ZNF503: variants seen among roughly 807,000 people sequenced by gnomAD.
The protein encoded by ZNF503 is NocA-like zinc finger 2.
Under a neutral mutation model 34.4 loss-of-function variants are expected in ZNF503, and 15 were observed. That is an observed-to-expected ratio of 0.44 (90% CI 0.29 to 0.67). ZNF503 has a LOEUF of 0.67. ZNF503 is among the 30% of genes least tolerant of loss of function. The pLI is 0.13. For synonymous variants in ZNF503, 580 were observed against 456.8 expected, an observed-to-expected ratio of 1.27 and a Z score of -3.44; for missense variants, 1,007 against 926.8, an observed-to-expected ratio of 1.09 and a Z score of -1.12.
chr10:75,312,254 C>T, the ZNF503 span, among the ~76,000 whole-genome samples: 1 of 151,768 alleles, frequency 6.6e-6, no homozygotes, highest in Non-Finnish European at 1.5e-5. Flanking sequence ...AACTAGAAAG[C>T]CTCAGTCAAG....
chr10:75,357,239 C>T, the ZNF503 span, among the ~76,000 whole-genome samples: 9 of 151,824 alleles, frequency 5.9e-5, no homozygotes, highest in Admixed American at 2.6e-4. Context: ...ACAATAGGGC[C>T]GGGCACAGTA....
the ZNF503 span, among the ~76,000 whole-genome samples, chr10:75,379,224 G>A: frequency 8.5e-5 from 13 of 152,262 alleles, no homozygotes; most frequent in East Asian, 5.8e-4. Flanking sequence ...TTAGCCTGGC[G>A]CGGAGTGAAA....
At chr10:75,390,721 G>A in the ZNF503 span, among the ~76,000 whole-genome samples, 20 of 152,264 alleles carry the variant, frequency 1.3e-4, no homozygotes, top group Non-Finnish European at 2.8e-4. Flanking sequence ...CGTGGGGTGC[G>A]GGGGAGTCTG....
chr10:75,291,560 G>A, the ZNF503 span, among the ~76,000 whole-genome samples: 1 of 152,130 alleles, frequency 6.6e-6, no homozygotes, highest in South Asian at 2.1e-4. Flanking sequence ...GCAGTGAGCT[G>A]TGACTGCACC....
the ZNF503 span, among the ~76,000 whole-genome samples, chr10:75,308,363 A>G: frequency 6.6e-6 from 1 of 152,194 alleles, no homozygotes; most frequent in South Asian, 2.1e-4. Context: ...GCACCTAGTT[A>G]CTCAAGAACT....
the ZNF503 span, among the ~76,000 whole-genome samples, chr10:75,376,419 G>A: frequency 4.6e-5 from 7 of 152,130 alleles, no homozygotes; most frequent in Admixed American, 1.3e-4. Context: ...TGAGGTAGGC[G>A]GATCACTTGA....
the ZNF503 span, among the ~76,000 whole-genome samples, chr10:75,294,773 C>A: frequency 1.9e-4 from 29 of 148,770 alleles, no homozygotes; most frequent in Admixed American, 1.8e-3. Context: ...AGAAGGGAGA[C>A]CCCGGAGAGG....
the ZNF503 span, among the ~76,000 whole-genome samples, chr10:75,313,270 A>C: frequency 6.6e-6 from 1 of 152,196 alleles, no homozygotes; most frequent in African/African-American, 2.4e-5. Flanking sequence ...TCAGAAATCC[A>C]ATGGACACGT....
At chr10:75,342,568 G>C in the ZNF503 span, among the ~76,000 whole-genome samples, 1 of 151,814 alleles carries the variant, frequency 6.6e-6, no homozygotes, top group Non-Finnish European at 1.5e-5. Context: ...ATGGCCCAGT[G>C]ACCACAGCCA....
chr10:75,341,839 C>G, the ZNF503 span, among the ~76,000 whole-genome samples: 2 of 152,118 alleles, frequency 1.3e-5, no homozygotes, highest in African/African-American at 4.8e-5. Context: ...TTCCTGCTTC[C>G]CCCACTCCCT....
chr10:75,338,749 T>C, the ZNF503 span, among the ~76,000 whole-genome samples: 1 of 152,162 alleles, frequency 6.6e-6, no homozygotes, highest in Non-Finnish European at 1.5e-5. Flanking sequence ...GGTGTCGCCA[T>C]AGGGACATGC....
At chr10:75,344,904 C>G in the ZNF503 span, among the ~76,000 whole-genome samples, 1 of 152,240 alleles carries the variant, frequency 6.6e-6, no homozygotes, top group African/African-American at 2.4e-5. Context: ...CCTCTCCAAT[C>G]ATGTAGCCTC....
At position 75,398,776 on chromosome 10, in the gene ZNF503, G is replaced by C. The variant is rs778587682; in HGVS notation, c.1914C>G (p.Thr638=). 6 of 1,433,684 alleles carry C rather than the reference G, an allele frequency of 4.2e-6. No homozygotes were observed. Among genetic ancestry groups the C allele is most frequent in the African/African-American group, 1.5e-5 (1 of 67,580 alleles). 88.8% of individuals were successfully genotyped at this position (1,433,684 alleles called of 1,614,324 possible). ...ACTGATACCCCAGCGCCGAGGCGGT[G>C]GTCAGTCTCTGTCCGTAGAGGGCGT... ...SPYALYGQRL[T]TASALGYQ Residue 638 remains threonine (T), a synonymous_variant, in exon 2 of 2, where the codon ACC becomes ACG. Coordinates refer to ENST00000372524, the MANE Select transcript of ZNF503 (RefSeq NM_032772.6).
At chr10:75,337,387 G>A in the ZNF503 span, among the ~76,000 whole-genome samples, 2 of 151,814 alleles carry the variant, frequency 1.3e-5, no homozygotes, top group Admixed American at 6.6e-5. Flanking sequence ...CACTTTGGGA[G>A]GTCGAGGTGG....
the ZNF503 span, among the ~76,000 whole-genome samples, chr10:75,311,239 C>G: frequency 6.6e-6 from 1 of 152,180 alleles, no homozygotes; most frequent in South Asian, 2.1e-4. Context: ...TCTACTTTTT[C>G]CACATTCTTC....
chr10:75,338,399 C>T, the ZNF503 span: 2 of 152,220 alleles, frequency 1.3e-5, no homozygotes, highest in Admixed American at 6.5e-5. Context: ...TTAAACTTTA[C>T]AAGTCTCACT....
At chr10:75,374,495 TAGAAC>T in the ZNF503 span, among the ~76,000 whole-genome samples, 1 of 152,118 alleles carries the variant, frequency 6.6e-6, no homozygotes, top group Admixed American at 6.5e-5. Flanking sequence ...CCTCTTGTCC[TAGAAC>T]AGCTTTCCAC....
chr10:75,400,078 A>ACC lies in ZNF503; in HGVS notation c.610_611dup (p.Ser206PhefsTer90). 13 of 1,538,094 alleles carry ACC rather than the reference A, an allele frequency of 8.5e-6. No homozygotes were observed. Among genetic ancestry groups the ACC allele is most frequent in the Non-Finnish European group, 1.1e-5 (13 of 1,145,166 alleles). ...GGAATCCCGACTTCTCCGACGAAAC[A>ACC]CCCCCGCCGCCGCCCCCGCCACCGC... On this transcript the variant is annotated frameshift_variant, in exon 2 of 2. Coordinates refer to ENST00000372524, the MANE Select transcript of ZNF503 (RefSeq NM_032772.6). LOFTEE classifies it high-confidence loss of function.
the ZNF503 span, among the ~76,000 whole-genome samples, chr10:75,303,587 T>A: frequency 6.6e-6 from 1 of 152,376 alleles, no homozygotes; most frequent in East Asian, 1.9e-4. Context: ...AATTCACACT[T>A]GTGTCTGTCT....
Sources: allele counts gnomAD v4.1 joint callset (sites outside exome capture counted in the v4.1 genomes callset), GRCh38; gene constraint gnomAD v4.1.1; transcripts MANE v1.5; gene names NCBI Gene and HGNC (gene_info 2026-07-23, HGNC 2026-07-21).